DNAH1: variants seen among roughly 807,000 people sequenced by gnomAD.
DNAH1 encodes the protein dynein axonemal heavy chain 1.
DNAH1 carries 327 observed loss-of-function variants against 484.3 expected under a neutral mutation model. That is an observed-to-expected ratio of 0.68 (90% CI 0.62 to 0.74). DNAH1 has a LOEUF of 0.74. Ranked by LOEUF, DNAH1 falls within the 30% of genes least tolerant of loss-of-function variation. The pLI is 0.00. For synonymous variants in DNAH1, 2,192 were observed against 2,191.9 expected (o/e 1.00, Z 0.00); for missense variants, 5,052 against 5,546.8 (o/e 0.91, Z 2.83).
In DNAH1 at chr3:52,348,903, A is replaced by G. The variant is rs750884223; in HGVS notation, c.2122A>G (p.Ile708Val). ...PQLEKLVMED[I>V]FISGDPLLES... ...CCCTCTGCAGCTGGTGATGGAGGAC[A>G]TCTTCATCAGCGGTGACCCCCTGCT... The change falls in exon 13 of 78, where the codon ATC (isoleucine) becomes GTC (valine). Residue 708 changes from isoleucine to valine, a missense_variant. Physicochemically the swap from Ile to Val is conservative, Grantham distance 29. This residue lies in a region of DNAH1 where 1,263 missense variants were observed against 1,218.8 expected (regional missense o/e 1.04). Transcript: ENST00000420323. 33 of 1,612,866 alleles carry G rather than the reference A, an allele frequency of 2.0e-5. No homozygotes were observed. Among genetic ancestry groups the G allele is most frequent in the Middle Eastern group, 1.6e-4 (1 of 6,084 alleles).
At chr3:52,315,587 G>T (rs567177085), upstream of DNAH1, among the ~76,000 whole-genome samples, 2 of 152,324 alleles carry the variant, frequency 1.3e-5, no homozygotes, top group African/African-American at 2.4e-5. Flanking sequence ...TAAGAGATGG[G>T]CAGTGACTCC....
chr3:52,369,611 T>G (rs1019928121), intron 37 of DNAH1, among the ~76,000 whole-genome samples: 8 of 152,080 alleles, frequency 5.3e-5, no homozygotes, highest in Non-Finnish European at 1.2e-4. Context: ...CTCAGGAATC[T>G]CCTGACTTGG....
In DNAH1 at chr3:52,357,737, T is replaced by G. The variant is rs1702674918; in HGVS notation, c.3980+2T>G. The G allele has an allele frequency of 6.3e-6, 10 of 1,575,646 alleles. No homozygotes were observed. Among genetic ancestry groups the G allele is most frequent in the Non-Finnish European group, 8.6e-6 (10 of 1,160,630 alleles). On this transcript the variant is annotated splice_donor_variant, in intron 23 of 77. Transcript: ENST00000420323. LOFTEE classifies it high-confidence loss of function. The stretch of plus-strand genomic sequence containing the variant: ...GACCAAGAGGAGCGCCTTCCCCAGG[T>G]GGGCGCCACCTGGCCATGCCCACTC...
intron 56 of DNAH1, among the ~76,000 whole-genome samples, chr3:52,387,222 C>T (rs1199708790): frequency 3.3e-5 from 5 of 152,344 alleles, no homozygotes; most frequent in East Asian, 1.9e-4. Context: ...CAGAAACCCC[C>T]AGGCCTTGGC....
intron 14 of DNAH1, among the ~76,000 whole-genome samples, 182 bp downstream of exon 14, chr3:52,349,602 C>A (rs906132003): frequency 3.9e-5 from 6 of 152,216 alleles, no homozygotes; most frequent in Admixed American, 3.9e-4. Flanking sequence ...AGAGAGCTGT[C>A]CTGTATGGGA....
At chr3:52,396,596 C>A in intron 71 of DNAH1, 22 bp from the exon 72 acceptor site, 1 of 1,611,184 alleles carries the variant, frequency 6.2e-7, no homozygotes, top group Non-Finnish European at 8.5e-7. Flanking sequence ...TCCTCACCTC[C>A]CCTGCCTCCC....
At chr3:52,369,581 C>G (rs1703230233) in intron 37 of DNAH1, among the ~76,000 whole-genome samples, 1 of 152,144 alleles carries the variant, frequency 6.6e-6, no homozygotes, top group South Asian at 2.1e-4. Context: ...AATGCTCTGA[C>G]CCCAGTCTGG....
chr3:52,352,387 T>C (rs1055584055), intron 17 of DNAH1, among the ~76,000 whole-genome samples, 165 bp from the exon 18 acceptor site: 2 of 152,020 alleles, frequency 1.3e-5, no homozygotes, highest in Non-Finnish European at 2.9e-5. Flanking sequence ...GCATTGGGTC[T>C]CCCCTGGCTT....
chr3:52,383,677 T>C (rs1423078681), intron 51 of DNAH1, 83 bp downstream of exon 51: 6 of 1,443,552 alleles, frequency 4.2e-6, no homozygotes, highest in Non-Finnish European at 5.5e-6. Context: ...CTGGATGCCA[T>C]GCGCTGGGGC....
In DNAH1 at chr3:52,372,960, A is replaced by G. The variant is rs765657424; in HGVS notation, c.6892A>G (p.Met2298Val). ...NFIFFIDDLN[M>V]PALETYGAQP... ...TATCTTCTTCATCGATGACCTGAACATGCCGGCCCTGGAGACCTACGGTGC... is the reference window on the plus strand; with the variant it reads ...TATCTTCTTCATCGATGACCTGAACGTGCCGGCCCTGGAGACCTACGGTGC... The change falls in exon 44 of 78, where the codon ATG becomes GTG. Residue 2298 changes from methionine (M) to valine (V), a missense_variant. By Grantham distance (21) the Met-to-Val change is conservative. This residue lies in a region of DNAH1 where 2,929 missense variants were observed against 3,409.4 expected (regional missense o/e 0.86). Coordinates refer to ENST00000420323, the MANE Select transcript of DNAH1 (RefSeq NM_015512.5). 17 of 1,613,836 alleles carry G rather than the reference A, an allele frequency of 1.1e-5. No homozygotes were observed. Among genetic ancestry groups the G allele is most frequent in the Admixed American group, 3.3e-5 (2 of 60,022 alleles).
rs746416052 is a variant in DNAH1, at chr3:52,348,748, G to T, written c.2107-140G>T. On this transcript the variant is annotated intron_variant, in intron 12 of 77. Transcript: ENST00000420323. ...CGCTGCATCCCTCCTTTTGTATTTG[G>T]TCACCCTGCCACCCTCTAGGCTTCA... is the stretch of plus-strand genomic sequence containing the variant. 2.0e-4 allele frequency: 170 copies of T among 848,010 alleles called. 1 individual carries two copies. Among genetic ancestry groups the T allele is most frequent in the Non-Finnish European group, 2.7e-4 (147 of 547,636 alleles). The allele number at this position is 848,010 out of a possible 1,614,324, so 52.5% of individuals were successfully genotyped here. A position where few individuals can be genotyped will look rare whatever the true frequency, so the allele number is the denominator to read the frequency against.
chr3:52,397,165 TC>T (rs1406209404), intron 73 of DNAH1, 121 bp downstream of exon 73: 15 of 962,544 alleles, frequency 1.6e-5, no homozygotes, highest in Non-Finnish European at 2.3e-5. Context: ...AGCTGTCTTT[TC>T]ATCAGTCAAT....
rs200640418 is a variant in DNAH1, at chr3:52,352,682, G to C, written c.3002G>C (p.Arg1001Pro). The C allele has an allele frequency of 2.5e-6, 4 of 1,612,168 alleles. No homozygotes were observed. In the African/African-American group the frequency reaches 5.3e-5, roughly 22 times the overall value. Residue 1001 changes from arginine (R) to proline (P), a missense_variant, in exon 18 of 78, where the codon CGC becomes CCC. Arg to Pro is a moderately radical substitution (Grantham distance 103, BLOSUM62 -2). Transcript: ENST00000420323. ...GCCATGCTCTACAACAACCGCGAGC[G>C]CATCTTCAGCTTGCCCATCACCAAT... is the stretch of plus-strand genomic sequence containing the variant. The part of the protein sequence containing the change: ...QLAMLYNNRE[R>P]IFSLPITNYD...
rs771730640 is a variant in DNAH1 at position 52,394,998 on chromosome 3, T to C, written c.10907T>C (p.Val3636Ala). ...LVLRCLRGDK[V>A]TNAMQDFVAT... Reference sequence around the variant, plus strand: ...CTCCGCTGCCTGCGTGGGGACAAGGTTACCAACGCCATGCAGGACTTTGTG... The same window carrying C: ...CTCCGCTGCCTGCGTGGGGACAAGGCTACCAACGCCATGCAGGACTTTGTG... Residue 3636 changes from valine to alanine, a missense_variant, in exon 68 of 78, where the codon GTT becomes GCT. By Grantham distance (64) the Val-to-Ala change is moderately conservative (BLOSUM62 0). This residue lies in a region of DNAH1 where 853 missense variants were observed against 899.0 expected (regional missense o/e 0.95). Transcript: ENST00000420323. 43 of 1,612,250 alleles carry C rather than the reference T, an allele frequency of 2.7e-5. No individual in the cohort carries two copies. Among genetic ancestry groups the C allele is most frequent in the Non-Finnish European group, 5.1e-6 (6 of 1,179,252 alleles).
intron 73 of DNAH1, among the ~76,000 whole-genome samples, 166 bp downstream of exon 73, chr3:52,397,210 G>A (rs1488232227): frequency 1.3e-5 from 2 of 152,190 alleles, no homozygotes; most frequent in Admixed American, 6.5e-5. Context: ...CTTGGCGAGG[G>A]AGTCAGACCC....
At chr3:52,318,261 G>A (rs1205396487) in intron 1 of DNAH1, among the ~76,000 whole-genome samples, 1 of 152,230 alleles carries the variant, frequency 6.6e-6, no homozygotes, top group East Asian at 1.9e-4. Context: ...TGTTGACCAA[G>A]CTGGTCTTAA....
chr3:52,397,139 G>T, intron 73 of DNAH1, 95 bp downstream of exon 73: 2 of 1,122,782 alleles, frequency 1.8e-6, no homozygotes, highest in South Asian at 1.6e-5. Context: ...AGGAGATGCA[G>T]CCCCCACCCT....
chr3:52,388,963 G>C, intron 59 of DNAH1, 26 bp downstream of exon 59: 1 of 1,561,568 alleles, frequency 6.4e-7, no homozygotes, highest in Non-Finnish European at 8.7e-7. Flanking sequence ...CTCTGTCTCT[G>C]ACCAGCCTCG....
intron 65 of DNAH1, 97 bp downstream of exon 65, chr3:52,393,122 T>C: frequency 1.4e-6 from 2 of 1,471,258 alleles, no homozygotes; most frequent in Non-Finnish European, 1.9e-6. Flanking sequence ...CTGTGTTCAC[T>C]GGCGTACACT....
Sources: allele counts gnomAD v4.1 joint callset (sites outside exome capture counted in the v4.1 genomes callset), GRCh38; gene constraint gnomAD v4.1.1; regional missense constraint gnomAD v4.1.1; transcripts MANE v1.5; gene names NCBI Gene and HGNC (gene_info 2026-07-23, HGNC 2026-07-21).